Variants in CADM2 observed in about 807,000 individuals in gnomAD.
CADM2 encodes the protein immunoglobulin superfamily member 4D.
In CADM2, 12 loss-of-function variants were observed where a neutral mutation model predicts 49.8. The ratio of observed to expected loss-of-function variants is 0.24; its 90% confidence interval spans 0.15 to 0.39. The LOEUF is 0.39. Among genes scored for constraint, CADM2 ranks in the 10% least tolerant of loss-of-function variants. The probability of loss-of-function intolerance (pLI) is 1.00; values close to 1 mark genes in which losing one functional copy is unlikely to be tolerated. For missense variants in CADM2, 378 were observed against 492.3 expected (o/e 0.77, Z 2.20); for synonymous variants, 214 against 175.4 (o/e 1.22, Z -1.74).
At chr3:85,825,464 C>T (rs188982440) in intron 3 of CADM2, among the ~76,000 whole-genome samples, 1 of 152,044 alleles carries the variant, frequency 6.6e-6, no homozygotes, top group Non-Finnish European at 1.5e-5. Flanking sequence ...CTACAATATG[C>T]TGCCATTGCC....
At chr3:86,056,753 C>G (rs1037764301) in intron 8 of CADM2, among the ~76,000 whole-genome samples, 2 of 152,148 alleles carry the variant, frequency 1.3e-5, no homozygotes, top group African/African-American at 4.8e-5. Flanking sequence ...ACAAACCAAA[C>G]TAAAACAAAG....
At chr3:85,492,072 A>G (rs2039699444) in intron 1 of CADM2, among the ~76,000 whole-genome samples, 1 of 152,160 alleles carries the variant, frequency 6.6e-6, no homozygotes, top group Admixed American at 6.5e-5. Flanking sequence ...ATTGCTTGTT[A>G]CAATCTAATT....
rs1007933567 is a variant in CADM2 at position 86,071,306 on chromosome 3, C to G, written c.*4523C>G. The G allele has an allele frequency of 6.6e-6, 1 of 151,702 alleles. No individual in the cohort carries two copies. The highest frequency in any genetic ancestry group is 2.1e-4 in the South Asian group (1 of 4,824). 9.4% of individuals were successfully genotyped at this position (151,702 alleles called of 1,614,324 possible). ...TATCTTAATGGGAATTTTAAAATATCTTTTCTTTTTCTATTCATTTTTTCC... is the reference window on the plus strand; with the variant it reads ...TATCTTAATGGGAATTTTAAAATATGTTTTCTTTTTCTATTCATTTTTTCC... On this transcript the variant is annotated 3_prime_UTR_variant, in exon 10 of 10. Transcript: ENST00000383699.
At chr3:85,554,523 TTATC>T (rs1170870183) in intron 1 of CADM2, among the ~76,000 whole-genome samples, 1 of 152,062 alleles carries the variant, frequency 6.6e-6, no homozygotes, top group Non-Finnish European at 1.5e-5. Flanking sequence ...TGAAAGAGGT[TTATC>T]TATCTTTTCA....
At chr3:84,967,708 G>T (rs919237243) in intron 1 of CADM2, among the ~76,000 whole-genome samples, 14 of 152,074 alleles carry the variant, frequency 9.2e-5, no homozygotes, top group Admixed American at 4.6e-4. Flanking sequence ...GAAGAATAAA[G>T]AAGTGTTTTG....
At chr3:85,907,058 A>G (rs1559734323) in intron 5 of CADM2, among the ~76,000 whole-genome samples, 1 of 152,222 alleles carries the variant, frequency 6.6e-6, no homozygotes, top group African/African-American at 2.4e-5. Flanking sequence ...ACTGTGAAGC[A>G]GTAATTACAA....
intron 1 of CADM2, among the ~76,000 whole-genome samples, chr3:85,085,484 A>G (rs1236671284): frequency 2.6e-5 from 4 of 152,106 alleles, no homozygotes; most frequent in African/African-American, 7.2e-5. Flanking sequence ...TGTACACACC[A>G]CATTTTCTTT....
At chr3:85,683,106 T>A (rs2066086119) in intron 1 of CADM2, among the ~76,000 whole-genome samples, 1 of 152,046 alleles carries the variant, frequency 6.6e-6, no homozygotes, top group Non-Finnish European at 1.5e-5. Flanking sequence ...AAAATAAAAA[T>A]CTTTTTTACT....
chr3:85,489,511 C>T (rs2039570751), intron 1 of CADM2, among the ~76,000 whole-genome samples: 1 of 151,972 alleles, frequency 6.6e-6, no homozygotes, highest in Non-Finnish European at 1.5e-5. Flanking sequence ...TTGTAAACAT[C>T]AATACATGAA....
chr3:85,436,931 G>T (rs1049371016), intron 1 of CADM2, among the ~76,000 whole-genome samples: 1 of 152,124 alleles, frequency 6.6e-6, no homozygotes, highest in Non-Finnish European at 1.5e-5. Context: ...AGAAATATAT[G>T]TTGAATGTAT....
At chr3:85,822,936 T>C (rs1577400507) in intron 3 of CADM2, among the ~76,000 whole-genome samples, 1 of 152,300 alleles carries the variant, frequency 6.6e-6, no homozygotes, top group East Asian at 1.9e-4. Flanking sequence ...TATTCTAAGC[T>C]TCTAACTTTT....
intron 1 of CADM2, among the ~76,000 whole-genome samples, chr3:85,178,066 T>A (rs1057281752): frequency 4.0e-5 from 6 of 151,890 alleles, no homozygotes; most frequent in Non-Finnish European, 8.8e-5. Flanking sequence ...GAAACAAATC[T>A]TCAATCCTAT....
intron 8 of CADM2, among the ~76,000 whole-genome samples, chr3:86,018,783 T>C (rs568255537): frequency 6.6e-5 from 10 of 152,148 alleles, no homozygotes; most frequent in African/African-American, 2.4e-4. Flanking sequence ...ATTAGCCCTT[T>C]GTCAGATGAG....
chr3:85,107,238 G>C (rs997654656), intron 1 of CADM2, among the ~76,000 whole-genome samples: 2 of 151,944 alleles, frequency 1.3e-5, no homozygotes, highest in African/African-American at 4.8e-5. Context: ...AGTTGAAAAA[G>C]TTTTGCAAAA....
chr3:85,459,790 GA>G (rs1433822140), intron 1 of CADM2, among the ~76,000 whole-genome samples: 1 of 152,256 alleles, frequency 6.6e-6, no homozygotes, highest in East Asian at 1.9e-4. Context: ...ATGTTTGTTG[GA>G]ACTCTGCATG....
At chr3:85,618,711 A>T (rs893113290) in intron 1 of CADM2, among the ~76,000 whole-genome samples, 2 of 152,112 alleles carry the variant, frequency 1.3e-5, no homozygotes, top group Non-Finnish European at 2.9e-5. Context: ...CAGATATACT[A>T]TTAATTCTAT....
chr3:85,245,379 A>G (rs1400128492), intron 1 of CADM2, among the ~76,000 whole-genome samples: 2 of 151,812 alleles, frequency 1.3e-5, no homozygotes, highest in African/African-American at 2.4e-5. Context: ...GGGTGTGGTG[A>G]CGGGCGCCTG....
At chr3:85,494,945 A>G (rs1390124798) in intron 1 of CADM2, among the ~76,000 whole-genome samples, 1 of 152,152 alleles carries the variant, frequency 6.6e-6, no homozygotes, top group Non-Finnish European at 1.5e-5. Context: ...GACATGATTT[A>G]TGTTATTTAA....
rs1380105605 is a variant in CADM2, at chr3:85,291,759, G to A, written c.61+332091G>A. Among the ~76,000 whole-genome samples, 54 of 147,142 alleles carry A rather than the reference G, an allele frequency of 3.7e-4. 1 individual carries two copies. Among genetic ancestry groups the A allele is most frequent in the Admixed American group, 2.8e-3 (42 of 15,118 alleles). Reference sequence around the variant, plus strand: ...ATGCTGAGAGATTTTGTCACCACCCGGCCTGCCCTAAAAGAGCTCCTGAAG... The same window carrying A: ...ATGCTGAGAGATTTTGTCACCACCCAGCCTGCCCTAAAAGAGCTCCTGAAG... On this transcript the variant is annotated intron_variant, in intron 1 of 9. Coordinates refer to ENST00000383699, the MANE Select transcript of CADM2 (RefSeq NM_001167675.2).
Sources: allele counts gnomAD v4.1 joint callset (sites outside exome capture counted in the v4.1 genomes callset), GRCh38; gene constraint gnomAD v4.1.1; transcripts MANE v1.5; gene names NCBI Gene and HGNC (gene_info 2026-07-23, HGNC 2026-07-21).